Variants in EIF4G3 observed in about 807,000 individuals in gnomAD.
The protein encoded by EIF4G3 is eIF-4-gamma 3.
Under a neutral mutation model 186.4 loss-of-function variants are expected in EIF4G3, and 34 were observed. That is an observed-to-expected ratio of 0.18 (90% CI 0.14 to 0.24). The LOEUF (loss-of-function observed/expected upper bound fraction) is 0.24, where lower values mean the gene tolerates loss of function less well. EIF4G3 is among the 10% of genes least tolerant of loss of function. EIF4G3 has a pLI of 1.00. For missense variants in EIF4G3, 1,536 were observed against 1,948.5 expected, an observed-to-expected ratio of 0.79 and a Z score of 3.99; for synonymous variants, 673 against 679.5, an observed-to-expected ratio of 0.99 and a Z score of 0.15.
At chr1:20,822,380 T>TTG (rs2062628293) in intron 33 of EIF4G3, among the ~76,000 whole-genome samples, 1 of 146,018 alleles carries the variant, frequency 6.8e-6, no homozygotes, top group Admixed American at 6.8e-5. Flanking sequence ...TTTTTTTTTT[T>TTG]TTGAGACGGA....
intron 35 of EIF4G3, among the ~76,000 whole-genome samples, chr1:20,811,530 T>G (rs1250788399): frequency 6.6e-6 from 1 of 152,208 alleles, no homozygotes; most frequent in East Asian, 1.9e-4. Flanking sequence ...TAATGAGACA[T>G]TCTCTCACAA....
At chr1:21,079,966 A>C (rs1438389075) in intron 3 of EIF4G3, among the ~76,000 whole-genome samples, 3 of 152,028 alleles carry the variant, frequency 2.0e-5, no homozygotes, top group African/African-American at 7.3e-5. Flanking sequence ...AGCCTGGCCA[A>C]CATGGTGAAC....
intron 2 of EIF4G3, among the ~76,000 whole-genome samples, chr1:21,098,678 C>T (rs75454413): frequency 6.6e-6 from 1 of 152,118 alleles, no homozygotes; most frequent in East Asian, 1.9e-4. Flanking sequence ...GAGACAGGGT[C>T]TTGCTCTGTT....
Position 20,949,580 on chromosome 1 carries a change from T to C in EIF4G3, c.823+423A>G, listed in dbSNP as rs954881306. Among the ~76,000 whole-genome samples the C allele has an allele frequency of 4.4e-4, 67 of 152,334 alleles. 1 individual carries two copies. The highest frequency in any genetic ancestry group is 1.4e-3 in the African/African-American group (57 of 41,572). ...TTGGCTCCATCTCCAAATGTGGCTA[T>C]AGAAGCCCAAACTTGTAAGAAGAAA... On this transcript the variant is annotated intron_variant, in intron 13 of 36. Coordinates refer to ENST00000602326, the MANE Select transcript of EIF4G3 (RefSeq NM_001391906.1).
intron 29 of EIF4G3, among the ~76,000 whole-genome samples, chr1:20,844,876 C>T (rs1023674227): frequency 8.5e-5 from 13 of 152,180 alleles, no homozygotes; most frequent in African/African-American, 2.9e-4. Context: ...AAACCTTTGT[C>T]GGATGTGTAT....
At chr1:20,922,490 T>C (rs1172165188) in intron 14 of EIF4G3, among the ~76,000 whole-genome samples, 2 of 152,000 alleles carry the variant, frequency 1.3e-5, no homozygotes, top group Non-Finnish European at 2.9e-5. Context: ...AGAGATGGGG[T>C]TTCTCCATGT....
At chr1:21,000,857 C>A (rs1032788079) in intron 6 of EIF4G3, among the ~76,000 whole-genome samples, 1 of 152,062 alleles carries the variant, frequency 6.6e-6, no homozygotes, top group African/African-American at 2.4e-5. Flanking sequence ...ACAATTTCCT[C>A]CTTAATATTC....
At chr1:21,159,503 G>A (rs559752723) in intron 2 of EIF4G3, among the ~76,000 whole-genome samples, 3 of 148,332 alleles carry the variant, frequency 2.0e-5, no homozygotes, top group Admixed American at 6.7e-5. Context: ...TTGGGAGGCC[G>A]AAGCGGGCTG....
Position 21,097,141 on chromosome 1 carries a change from T to C in EIF4G3, c.-271-7928A>G, listed in dbSNP as rs139378367. On this transcript the variant is annotated intron_variant, in intron 2 of 36. Transcript: ENST00000602326. Reference sequence around the variant, plus strand: ...TAGTCAGAGGAGATTCTTCTAAGTTTGGCTTTACTATTCTGTACAAATAGT... The same window carrying C: ...TAGTCAGAGGAGATTCTTCTAAGTTCGGCTTTACTATTCTGTACAAATAGT... Among the ~76,000 whole-genome samples, 582 of 152,336 alleles carry C rather than the reference T, an allele frequency of 3.8e-3. 4 individuals are homozygous for C. Among genetic ancestry groups the C allele is most frequent in the African/African-American group, 0.013 (559 of 41,582 alleles).
At chr1:21,078,180 T>C (rs2095647855) in intron 3 of EIF4G3, among the ~76,000 whole-genome samples, 1 of 152,222 alleles carries the variant, frequency 6.6e-6, no homozygotes, top group Non-Finnish European at 1.5e-5. Flanking sequence ...GTGTTTACTG[T>C]AGCGCTATTC....
intron 3 of EIF4G3, among the ~76,000 whole-genome samples, chr1:21,069,481 A>G (rs2095375329): frequency 6.6e-6 from 1 of 152,202 alleles, no homozygotes; most frequent in South Asian, 2.1e-4. Context: ...GCTTTCTCAC[A>G]TTACCAGGCA....
intron 4 of EIF4G3, among the ~76,000 whole-genome samples, chr1:21,042,250 T>C (rs2093627209): frequency 6.6e-6 from 1 of 152,204 alleles, no homozygotes; most frequent in South Asian, 2.1e-4. Flanking sequence ...AGTGCTGGGA[T>C]TATAAGCAAG....
chr1:20,847,605 C>T (rs547332350), intron 29 of EIF4G3, among the ~76,000 whole-genome samples: 1 of 152,256 alleles, frequency 6.6e-6, no homozygotes. Context: ...TCTTTCTTGG[C>T]CATTCTAATT....
intron 2 of EIF4G3, among the ~76,000 whole-genome samples, chr1:21,133,812 A>G (rs1362133720): frequency 6.6e-6 from 1 of 152,192 alleles, no homozygotes; most frequent in African/African-American, 2.4e-5. Context: ...CGGGCACTTT[A>G]TATACTCTAG....
chr1:20,822,247 T>C (rs1297829541), intron 33 of EIF4G3, among the ~76,000 whole-genome samples: 1 of 152,160 alleles, frequency 6.6e-6, no homozygotes, highest in Non-Finnish European at 1.5e-5. Context: ...TCTGTGCTGA[T>C]GTTACCGCTT....
chr1:20,986,032 C>A (rs2079393176), intron 7 of EIF4G3, among the ~76,000 whole-genome samples: 1 of 152,130 alleles, frequency 6.6e-6, no homozygotes, highest in African/African-American at 2.4e-5. Context: ...GCCATTACTG[C>A]CAATTTTCAC....
intron 16 of EIF4G3, among the ~76,000 whole-genome samples, chr1:20,895,702 T>C (rs1382402887): frequency 2.0e-5 from 3 of 152,230 alleles, no homozygotes; most frequent in Non-Finnish European, 4.4e-5. Flanking sequence ...CAATGCATTA[T>C]TCACATGTAT....
At chr1:20,871,771 C>T (rs967301027) in intron 20 of EIF4G3, among the ~76,000 whole-genome samples, 2 of 152,100 alleles carry the variant, frequency 1.3e-5, no homozygotes, top group Admixed American at 6.5e-5. Flanking sequence ...AACACTGGCC[C>T]GTGGACATGT....
chr1:20,877,503 A>C (rs17449966), intron 20 of EIF4G3, among the ~76,000 whole-genome samples: 1 of 152,058 alleles, frequency 6.6e-6, no homozygotes. Context: ...AATAATATGT[A>C]TATATAAAGC....
Sources: allele counts gnomAD v4.1 joint callset (sites outside exome capture counted in the v4.1 genomes callset), GRCh38; gene constraint gnomAD v4.1.1; transcripts MANE v1.5; gene names NCBI Gene and HGNC (gene_info 2026-07-23, HGNC 2026-07-21).